Variants in LAMA4 observed in about 807,000 individuals in gnomAD.
LAMA4 encodes the protein laminin subunit alpha 4.
A neutral mutation model predicts 207.1 loss-of-function variants in LAMA4; 127 were observed. The ratio of observed to expected loss-of-function variants is 0.61; its 90% confidence interval spans 0.53 to 0.71. The LOEUF (loss-of-function observed/expected upper bound fraction) is 0.71, where lower values mean the gene tolerates loss of function less well. Ranked by LOEUF, LAMA4 falls within the 30% of genes least tolerant of loss-of-function variation. The probability of loss-of-function intolerance (pLI) is 0.00; values close to 1 mark genes in which losing one functional copy is unlikely to be tolerated. For missense variants in LAMA4, 2,093 were observed against 2,246.5 expected, an observed-to-expected ratio of 0.93 and a Z score of 1.38; for synonymous variants, 761 against 816.0, an observed-to-expected ratio of 0.93 and a Z score of 1.15.
chr6:112,194,727 G>C (rs9487841), intron 5 of LAMA4, among the ~76,000 whole-genome samples: 1 of 151,972 alleles, frequency 6.6e-6, no homozygotes. Flanking sequence ...TAATAAATTA[G>C]TGATTATAAA....
intron 3 of LAMA4, among the ~76,000 whole-genome samples, chr6:112,209,342 G>A (rs1394662599): frequency 6.6e-6 from 1 of 152,120 alleles, no homozygotes; most frequent in South Asian, 2.1e-4. Flanking sequence ...CTTATGGCTC[G>A]ATAGATGCTT....
chr6:112,132,099 C>T (rs1390149550), intron 28 of LAMA4, among the ~76,000 whole-genome samples: 2 of 152,004 alleles, frequency 1.3e-5, no homozygotes, highest in Non-Finnish European at 2.9e-5. Context: ...ATTTTTGTGC[C>T]AGAAACACCT....
chr6:112,125,679 A>G (rs1371028244), intron 31 of LAMA4, among the ~76,000 whole-genome samples: 1 of 152,242 alleles, frequency 6.6e-6, no homozygotes, highest in African/African-American at 2.4e-5. Flanking sequence ...ATTTGCCTTG[A>G]TTCAGTAATT....
chr6:112,196,453 G>T (rs782505638), intron 5 of LAMA4: 1 of 152,088 alleles, frequency 6.6e-6, no homozygotes, highest in Non-Finnish European at 1.5e-5. Flanking sequence ...AATGTGGGCT[G>T]CTTCACGATT....
At position 112,229,893 on chromosome 6, in the gene LAMA4, AT is replaced by A. The variant is rs551672235; in HGVS notation, c.196-13425del. ...AGGTGGGATCCATGTCAACTAGTCA[AT>A]TTTGATAGGTTTCTCAATACAATTG... On this transcript the variant is annotated intron_variant, in intron 2 of 38. Coordinates refer to ENST00000230538, the MANE Select transcript of LAMA4 (RefSeq NM_001105206.3). Among the ~76,000 whole-genome samples, 70 of 152,332 alleles carry A rather than the reference AT, an allele frequency of 4.6e-4. No homozygotes were observed. The East Asian group carries it at 0.013, about 29-fold the overall frequency.
intron 13 of LAMA4, among the ~76,000 whole-genome samples, chr6:112,160,474 AT>A (rs1780990024): frequency 6.6e-6 from 1 of 152,072 alleles, no homozygotes; most frequent in Admixed American, 6.6e-5. Flanking sequence ...AAAAAACCTT[AT>A]TCTTTCACTT....
intron 5 of LAMA4, among the ~76,000 whole-genome samples, 165 bp from the exon 6 acceptor site, chr6:112,192,015 G>C (rs1322740438): frequency 6.6e-6 from 1 of 152,162 alleles, no homozygotes; most frequent in African/African-American, 2.4e-5. Flanking sequence ...TCGTTTTTAA[G>C]GAACTACCCC....
intron 2 of LAMA4, among the ~76,000 whole-genome samples, chr6:112,221,476 T>A (rs1554360601): frequency 6.6e-6 from 1 of 152,196 alleles, no homozygotes; most frequent in Non-Finnish European, 1.5e-5. Context: ...TCTAAATTCA[T>A]TCACTGGTGT....
chr6:112,202,460 G>T (rs929849210), intron 4 of LAMA4, among the ~76,000 whole-genome samples: 1 of 151,988 alleles, frequency 6.6e-6, no homozygotes, highest in East Asian at 1.9e-4. Context: ...GTGTGTGTGT[G>T]TGTGTATGTA....
In LAMA4 at chr6:112,166,729, T is replaced by C. The variant is rs539254344; in HGVS notation, c.1552-1453A>G. 3.3e-5 allele frequency among the ~76,000 whole-genome samples: 5 copies of C among 152,312 alleles called. No individual in the cohort carries two copies. In the South Asian group the frequency reaches 1.0e-3, roughly 32 times the overall value. Reference sequence around the variant, plus strand: ...AGCATTAGACAGAAATGAATAAAATTAGCTTTGAAACAAATAAAGATATTT... The same window carrying C: ...AGCATTAGACAGAAATGAATAAAATCAGCTTTGAAACAAATAAAGATATTT... On this transcript the variant is annotated intron_variant, in intron 12 of 38. Transcript: ENST00000230538.
At chr6:112,129,643 G>C (rs1353735419) in intron 30 of LAMA4, among the ~76,000 whole-genome samples, 2 of 152,000 alleles carry the variant, frequency 1.3e-5, no homozygotes, top group Non-Finnish European at 2.9e-5. Context: ...ATTATTATCT[G>C]CATTTTCAGG....
chr6:112,187,445 C>T lies in LAMA4; in HGVS notation c.966+5G>A, dbSNP rs781916555. 4.3e-6 allele frequency: 7 copies of T among 1,613,918 alleles called. No individual in the cohort carries two copies. The highest frequency in any genetic ancestry group is 2.5e-6 in the Non-Finnish European group (3 of 1,179,974). ...CAGAGTGGAAAGTAGAACATTCCTG[C>T]GTACTTTGAGGAGGTAGATGGTGGC... On this transcript the variant is annotated splice_donor_5th_base_variant and intron_variant, in intron 8 of 38. Coordinates refer to ENST00000230538, the MANE Select transcript of LAMA4 (RefSeq NM_001105206.3).
At chr6:112,225,137 A>G (rs1785142485) in intron 2 of LAMA4, among the ~76,000 whole-genome samples, 1 of 151,950 alleles carries the variant, frequency 6.6e-6, no homozygotes, top group African/African-American at 2.4e-5. Flanking sequence ...TCCTCCAGCT[A>G]TATTTTGGTA....
At chr6:112,244,498 C>T (rs1323908264) in intron 2 of LAMA4, among the ~76,000 whole-genome samples, 1 of 152,202 alleles carries the variant, frequency 6.6e-6, no homozygotes, top group Non-Finnish European at 1.5e-5. Context: ...GACTGCTTGT[C>T]TATAGAGTAC....
chr6:112,235,744 C>T (rs1287074656), intron 2 of LAMA4, among the ~76,000 whole-genome samples: 1 of 152,090 alleles, frequency 6.6e-6, no homozygotes, highest in Non-Finnish European at 1.5e-5. Context: ...CACCAGAAAA[C>T]TCTAGCCGGA....
chr6:112,151,042 C>T (rs1232758173), intron 16 of LAMA4, among the ~76,000 whole-genome samples: 1 of 151,700 alleles, frequency 6.6e-6, no homozygotes, highest in Admixed American at 6.6e-5. Context: ...ATATAACATA[C>T]ATCTAGAAAA....
At chr6:112,212,728 A>C (rs1165421343) in intron 3 of LAMA4, among the ~76,000 whole-genome samples, 1 of 152,180 alleles carries the variant, frequency 6.6e-6, no homozygotes, top group Admixed American at 6.5e-5. Context: ...GTTTTCATGA[A>C]AGGATTATGC....
At chr6:112,226,306 C>A (rs1374411002) in intron 2 of LAMA4, among the ~76,000 whole-genome samples, 5 of 152,154 alleles carry the variant, frequency 3.3e-5, no homozygotes, top group Non-Finnish European at 5.9e-5. Context: ...TACAAGGATC[C>A]AACCTTAAAC....
chr6:112,191,870 A>G lies in LAMA4; in HGVS notation c.504-20T>C, dbSNP rs782273283. On this transcript the variant is annotated intron_variant, in intron 5 of 38. Transcript: ENST00000230538. Reference sequence around the variant, plus strand: ...GCACATCTGAAGAGGAATATCACACATTTAAATATTTAGCATCATGGTTTT... The same window carrying G: ...GCACATCTGAAGAGGAATATCACACGTTTAAATATTTAGCATCATGGTTTT... 30 of 1,526,640 alleles carry G rather than the reference A, an allele frequency of 2.0e-5. No homozygotes were observed. Among genetic ancestry groups the G allele is most frequent in the Non-Finnish European group, 2.5e-5 (28 of 1,101,978 alleles). 94.6% of individuals were successfully genotyped at this position (1,526,640 alleles called of 1,614,324 possible).
Sources: allele counts gnomAD v4.1 joint callset (sites outside exome capture counted in the v4.1 genomes callset), GRCh38; gene constraint gnomAD v4.1.1; transcripts MANE v1.5; gene names NCBI Gene and HGNC (gene_info 2026-07-23, HGNC 2026-07-21).